The following ALKBH1 variants were observed in gnomAD, a reference collection of about 807,000 sequenced individuals.
ALKBH1 encodes the protein alkB homolog 1, histone H2A dioxygenase, also known as nucleic acid dioxygenase ALKBH1.
ALKBH1 carries 31 observed loss-of-function variants against 36.6 expected under a neutral mutation model. The ratio of observed to expected loss-of-function variants is 0.85; its 90% CI spans 0.64 to 1.14. ALKBH1 has a LOEUF of 1.14. ALKBH1 is among the 50% of genes most tolerant of loss of function. ALKBH1 has a pLI of 0.00. For synonymous variants in ALKBH1, 183 were observed against 186.6 expected (o/e 0.98, Z 0.16); for missense variants, 490 against 497.3 (o/e 0.99, Z 0.14).
At chr14:77,690,373 C>CA (rs2139854753) in intron 3 of ALKBH1, among the ~76,000 whole-genome samples, 1 of 152,328 alleles carries the variant, frequency 6.6e-6, no homozygotes, top group South Asian at 2.1e-4. Context: ...TGATGTTATG[C>CA]AACAAAGAAT....
chr14:77,703,812 C>A lies in ALKBH1; in HGVS notation c.292+557G>T, dbSNP rs548408496. On this transcript the variant is annotated intron_variant, in intron 2 of 5. Coordinates refer to ENST00000216489, the MANE Select transcript of ALKBH1 (RefSeq NM_006020.3). Reference sequence around the variant, plus strand: ...GGGATTTCACCATGTTGGCCAGGCTCGTCTTGACCTCCTGACCTCAGGTGA... The same window carrying A: ...GGGATTTCACCATGTTGGCCAGGCTAGTCTTGACCTCCTGACCTCAGGTGA... Among the ~76,000 whole-genome samples, 6 of 151,756 alleles carry A rather than the reference C, an allele frequency of 4.0e-5. No individual in the cohort carries two copies. In the East Asian group the frequency reaches 1.2e-3, roughly 30 times the overall value.
chr14:77,707,945 C>G lies in ALKBH1; in HGVS notation c.60G>C (p.Glu20Asp). The change falls in exon 1 of 6, where the codon GAG (glutamate) becomes GAC (aspartate). Residue 20 changes from glutamate (E) to aspartate (D), a missense_variant. Coordinates refer to ENST00000216489, the MANE Select transcript of ALKBH1 (RefSeq NM_006020.3). Reference sequence around the variant, plus strand: ...AGCGGAAAAGTTTCCGAAAGGCGTCCTCCCCGGGCTCAGTCGCCAGAGTCG... The same window carrying G: ...AGCGGAAAAGTTTCCGAAAGGCGTCGTCCCCGGGCTCAGTCGCCAGAGTCG... ...SVATLATEPG[E>D]DAFRKLFRFY... The G allele has an allele frequency of 6.2e-7, 1 of 1,613,276 alleles. No individual in the cohort carries two copies.
intron 2 of ALKBH1, 148 bp downstream of exon 2, chr14:77,704,221 T>A: frequency 1.6e-6 from 1 of 636,904 alleles, no homozygotes; most frequent in South Asian, 1.8e-5. Flanking sequence ...CAAGGTACAG[T>A]CTAGAATGGG....
At chr14:77,694,963 A>AT in intron 2 of ALKBH1, 63 bp from the exon 3 acceptor site, 1 of 1,347,748 alleles carries the variant, frequency 7.4e-7, no homozygotes, top group Non-Finnish European at 9.8e-7. Flanking sequence ...TATTCAAATA[A>AT]TTTTGACATC....
At chr14:77,676,893 A>G (rs576481533) in intron 4 of ALKBH1, among the ~76,000 whole-genome samples, 4 of 152,170 alleles carry the variant, frequency 2.6e-5, no homozygotes, top group Admixed American at 2.6e-4. Context: ...AAACATCGGA[A>G]CTAACTCTCA....
At chr14:77,685,464 C>T (rs1400247276) in intron 3 of ALKBH1, among the ~76,000 whole-genome samples, 3 of 146,196 alleles carry the variant, frequency 2.1e-5, no homozygotes, top group African/African-American at 7.6e-5. Flanking sequence ...AAAACAAGGA[C>T]TCTAACTGTA....
chr14:77,680,948 T>C (rs991045424), intron 3 of ALKBH1, among the ~76,000 whole-genome samples: 5 of 152,072 alleles, frequency 3.3e-5, no homozygotes, highest in Non-Finnish European at 7.4e-5. Context: ...AATGCTGGGA[T>C]TACAGGCGTG....
At chr14:77,689,601 A>C (rs2080286709) in intron 3 of ALKBH1, among the ~76,000 whole-genome samples, 1 of 152,152 alleles carries the variant, frequency 6.6e-6, no homozygotes, top group Admixed American at 6.5e-5. Context: ...AAGGCTACAA[A>C]ATTTTCAAGA....
At chr14:77,706,391 G>T (rs928168863) in intron 1 of ALKBH1, among the ~76,000 whole-genome samples, 15 of 152,078 alleles carry the variant, frequency 9.9e-5, no homozygotes, top group African/African-American at 3.6e-4. Flanking sequence ...GATGTTAGTG[G>T]ACCTATTCTA....
chr14:77,675,860 T>C lies in ALKBH1; in HGVS notation c.547-11A>G. On this transcript the variant is annotated splice_polypyrimidine_tract_variant and intron_variant, in intron 4 of 5. Coordinates refer to ENST00000216489, the MANE Select transcript of ALKBH1 (RefSeq NM_006020.3). ...ATCTGCTGAGTATTTCTTTGGTAAATGTAGAGAGAATAAGAAAAATAAACA... is the reference window on the plus strand; with the variant it reads ...ATCTGCTGAGTATTTCTTTGGTAAACGTAGAGAGAATAAGAAAAATAAACA... 1.2e-6 allele frequency: 2 copies of C among 1,601,382 alleles called. No homozygotes were observed. Among genetic ancestry groups the C allele is most frequent in the East Asian group, 2.2e-5 (1 of 44,744 alleles).
intron 4 of ALKBH1, among the ~76,000 whole-genome samples, chr14:77,678,916 A>G (rs2080221190): frequency 6.6e-6 from 1 of 152,012 alleles, no homozygotes; most frequent in South Asian, 2.1e-4. Context: ...CCCAGGCTCA[A>G]GCGATCCTCC....
At chr14:77,706,814 A>C (rs1387148632) in intron 1 of ALKBH1, among the ~76,000 whole-genome samples, 3 of 152,298 alleles carry the variant, frequency 2.0e-5, no homozygotes, top group Admixed American at 6.5e-5. Flanking sequence ...CTAACAAATG[A>C]AGGTGCTGAA....
chr14:77,679,451 GAC>G (rs1321025717), intron 4 of ALKBH1, among the ~76,000 whole-genome samples: 1 of 150,902 alleles, frequency 6.6e-6, no homozygotes, highest in Non-Finnish European at 1.5e-5. Context: ...TCTTTTCTGA[GAC>G]AGAGTCTTGC....
chr14:77,687,537 A>AT (rs1213759472), intron 3 of ALKBH1, among the ~76,000 whole-genome samples: 1 of 152,132 alleles, frequency 6.6e-6, no homozygotes, highest in East Asian at 1.9e-4. Flanking sequence ...CTTTTAAAAA[A>AT]TTCAGCATTT....
intron 1 of ALKBH1, among the ~76,000 whole-genome samples, 173 bp downstream of exon 1, chr14:77,707,649 C>A (rs10483886): frequency 6.6e-6 from 1 of 152,192 alleles, no homozygotes; most frequent in Non-Finnish European, 1.5e-5. Context: ...CATCTCAACG[C>A]TTTATTGCTA....
At chr14:77,683,167 T>G (rs2080248014) in intron 3 of ALKBH1, 3 of 483,060 alleles carry the variant, frequency 6.2e-6, no homozygotes, top group South Asian at 4.5e-5. Context: ...TTTTTTTTTT[T>G]TTTTACAAAC....
chr14:77,698,330 T>C (rs955035445), intron 2 of ALKBH1, among the ~76,000 whole-genome samples: 1 of 152,160 alleles, frequency 6.6e-6, no homozygotes, highest in African/African-American at 2.4e-5. Context: ...GTAGAGAGAC[T>C]GGCTTTGAAC....
chr14:77,706,106 C>CAT (rs3079582), intron 1 of ALKBH1, among the ~76,000 whole-genome samples: 16,342 of 150,720 alleles, frequency 0.11, 1,062 homozygotes, highest in African/African-American at 0.18. Flanking sequence ...TACACACACA[C>CAT]ATATATATAT....
intron 3 of ALKBH1, among the ~76,000 whole-genome samples, chr14:77,694,056 T>C (rs1339242749): frequency 6.6e-6 from 1 of 152,192 alleles, no homozygotes; most frequent in African/African-American, 2.4e-5. Context: ...CCTGGAATAA[T>C]TATTTCCTCC....
Sources: allele counts gnomAD v4.1 joint callset (sites outside exome capture counted in the v4.1 genomes callset), GRCh38; gene constraint gnomAD v4.1.1; transcripts MANE v1.5; gene names NCBI Gene and HGNC (gene_info 2026-07-23, HGNC 2026-07-21).